The following ROBO1 variants were observed in gnomAD, a reference collection of about 807,000 sequenced individuals.
ROBO1 encodes roundabout guidance receptor 1.
In ROBO1, 149 loss-of-function variants were observed where a neutral mutation model predicts 195.9. The ratio of observed to expected loss-of-function variants is 0.76; its 90% CI spans 0.67 to 0.87. The LOEUF (loss-of-function observed/expected upper bound fraction) is 0.87. Ranked by LOEUF, ROBO1 falls within the 40% of genes least tolerant of loss-of-function variation. The pLI is 0.00. For synonymous variants in ROBO1, 816 were observed against 733.2 expected, an observed-to-expected ratio of 1.11 and a Z score of -1.82; for missense variants, 1,933 against 2,068.3, an observed-to-expected ratio of 0.93 and a Z score of 1.27.
At chr3:79,636,239 G>A (rs930911418) in intron 1 of ROBO1, among the ~76,000 whole-genome samples, 2 of 151,900 alleles carry the variant, frequency 1.3e-5, no homozygotes, top group Admixed American at 1.3e-4. Flanking sequence ...TGCTGTCTGG[G>A]GCTGTCAAAT....
At chr3:78,871,223 G>A (rs1186906878) in intron 4 of ROBO1, among the ~76,000 whole-genome samples, 1 of 152,148 alleles carries the variant, frequency 6.6e-6, no homozygotes, top group Non-Finnish European at 1.5e-5. Context: ...GCGGCACAGG[G>A]AAGTGTCATA....
chr3:79,739,791 T>C (rs1246821722), intron 1 of ROBO1, among the ~76,000 whole-genome samples: 1 of 152,114 alleles, frequency 6.6e-6, no homozygotes, highest in African/African-American at 2.4e-5. Flanking sequence ...CTGGTCCAGT[T>C]TAGTACTCAT....
chr3:78,598,865 C>CTT lies in ROBO1; in HGVS notation c.*46_*47dup. The CTT allele has an allele frequency of 7.2e-7, 1 of 1,397,668 alleles. No individual in the cohort carries two copies. The highest frequency in any genetic ancestry group is 1.3e-5 in the South Asian group (1 of 74,526). 86.6% of individuals were successfully genotyped at this position (1,397,668 alleles called of 1,614,324 possible). ...TCATGTGTCATCTGACAGGAGGCATCTTGAGTGATGATTTTCACATTAGAT... is the reference window on the plus strand; with the variant it reads ...TCATGTGTCATCTGACAGGAGGCATCTTTTGAGTGATGATTTTCACATTAGAT... On this transcript the variant is annotated 3_prime_UTR_variant, in exon 31 of 31. Transcript: ENST00000464233.
At chr3:79,077,790 C>A (rs1467912985) in intron 3 of ROBO1, among the ~76,000 whole-genome samples, 1 of 151,812 alleles carries the variant, frequency 6.6e-6, no homozygotes, top group Non-Finnish European at 1.5e-5. Flanking sequence ...AAAAGACATG[C>A]CAAATGCTGA....
intron 2 of ROBO1, among the ~76,000 whole-genome samples, chr3:79,296,143 C>A (rs1208261332): frequency 1.3e-5 from 2 of 152,082 alleles, no homozygotes; most frequent in African/African-American, 4.8e-5. Context: ...CAAACTCATT[C>A]TATAGGGATG....
chr3:78,961,842 C>G (rs1346520643), intron 3 of ROBO1, among the ~76,000 whole-genome samples: 1 of 152,034 alleles, frequency 6.6e-6, no homozygotes, highest in Non-Finnish European at 1.5e-5. Flanking sequence ...AACTACAAAA[C>G]ACACTTTTGT....
chr3:79,195,333 C>T (rs1204598784), intron 2 of ROBO1, among the ~76,000 whole-genome samples: 1 of 151,514 alleles, frequency 6.6e-6, no homozygotes, highest in Non-Finnish European at 1.5e-5. Context: ...TTTACAATTC[C>T]TGTTACTAGG....
intron 1 of ROBO1, among the ~76,000 whole-genome samples, chr3:79,615,625 G>T (rs1166766642): frequency 6.6e-6 from 1 of 151,994 alleles, no homozygotes; most frequent in African/African-American, 2.4e-5. Context: ...AAAATATGAG[G>T]ATTCACACTA....
At chr3:78,908,175 A>G (rs985240851) in intron 4 of ROBO1, among the ~76,000 whole-genome samples, 1 of 152,002 alleles carries the variant, frequency 6.6e-6, no homozygotes. Context: ...AAAAAAATCT[A>G]TTTATATTTC....
At chr3:78,756,332 T>C (rs896709816) in intron 4 of ROBO1, among the ~76,000 whole-genome samples, 2 of 152,028 alleles carry the variant, frequency 1.3e-5, no homozygotes, top group African/African-American at 4.8e-5. Context: ...AACAATAAAA[T>C]GAATAACACA....
intron 5 of ROBO1, among the ~76,000 whole-genome samples, chr3:78,719,541 C>T (rs116118960): frequency 0.019 from 2,882 of 152,036 alleles, 87 homozygotes; most frequent in African/African-American, 0.065. Flanking sequence ...CACATATAAA[C>T]ATATATACAT....
intron 2 of ROBO1, among the ~76,000 whole-genome samples, chr3:79,381,988 T>C (rs113468399): frequency 2.0e-4 from 31 of 152,292 alleles, no homozygotes; most frequent in African/African-American, 7.5e-4. Flanking sequence ...CCATCTCGTA[T>C]ATTTACTTAG....
chr3:79,175,999 C>T (rs2081256444), intron 2 of ROBO1, among the ~76,000 whole-genome samples: 1 of 152,134 alleles, frequency 6.6e-6, no homozygotes, highest in Admixed American at 6.5e-5. Context: ...CATACTCAAC[C>T]CCTTGAAGGT....
chr3:79,397,478 G>A (rs995152989), intron 2 of ROBO1, among the ~76,000 whole-genome samples: 1 of 152,092 alleles, frequency 6.6e-6, no homozygotes, highest in African/African-American at 2.4e-5. Flanking sequence ...CAGCACACTG[G>A]AGGAACAAAG....
At chr3:79,029,444 T>C (rs976193407) in intron 3 of ROBO1, among the ~76,000 whole-genome samples, 1 of 152,170 alleles carries the variant, frequency 6.6e-6, no homozygotes. Flanking sequence ...TATCAGTTTA[T>C]TTTAACTTAT....
intron 2 of ROBO1, among the ~76,000 whole-genome samples, chr3:79,201,298 A>C (rs2081759042): frequency 6.6e-6 from 1 of 152,032 alleles, no homozygotes; most frequent in South Asian, 2.1e-4. Flanking sequence ...TGGTCTTATC[A>C]TTTGACACTG....
At chr3:78,689,835 G>A (rs2081132324) in intron 8 of ROBO1, among the ~76,000 whole-genome samples, 1 of 151,784 alleles carries the variant, frequency 6.6e-6, no homozygotes, top group Non-Finnish European at 1.5e-5. Context: ...TCCTTAATGT[G>A]AATATGAATC....
At chr3:78,721,509 A>C (rs1440706373) in intron 5 of ROBO1, among the ~76,000 whole-genome samples, 1 of 152,194 alleles carries the variant, frequency 6.6e-6, no homozygotes, top group Non-Finnish European at 1.5e-5. Context: ...TTTAGGAGAC[A>C]AGTTCATTGC....
chr3:79,604,144 C>T (rs1160071275), intron 1 of ROBO1, among the ~76,000 whole-genome samples: 1 of 151,804 alleles, frequency 6.6e-6, no homozygotes, highest in Non-Finnish European at 1.5e-5. Flanking sequence ...GCCATGAGTC[C>T]CATTTTTTTG....
Sources: gnomAD v4.1 joint callset for allele counts (sites outside exome capture counted in the v4.1 genomes callset) on GRCh38, gnomAD v4.1.1 for gene constraint, MANE v1.5 for transcripts, NCBI Gene and HGNC (gene_info 2026-07-23, HGNC 2026-07-21) for gene names.